Variants in PDCL3 observed in about 807,000 individuals in gnomAD.
The protein encoded by PDCL3 is phosducin-like protein 3.
A neutral mutation model predicts 26.5 loss-of-function variants in PDCL3; 22 were observed. That is an observed-to-expected ratio of 0.83 (90% CI 0.59 to 1.19). The LOEUF (loss-of-function observed/expected upper bound fraction) is 1.19. Ranked by LOEUF, PDCL3 falls within the 50% of genes most tolerant of loss-of-function variation. The pLI is 0.00. For synonymous variants in PDCL3, 81 were observed against 104.9 expected (o/e 0.77, Z 1.39); for missense variants, 246 against 294.1 (o/e 0.84, Z 1.20).
intron 5 of PDCL3, 158 bp downstream of exon 5, chr2:100,571,956 C>T (rs979433620): frequency 1.5e-5 from 10 of 676,566 alleles, no homozygotes; most frequent in African/African-American, 9.0e-5. Flanking sequence ...ATCTTAGTTG[C>T]GTAATCAGGA....
At chr2:100,565,984 A>C (rs924165306) in intron 1 of PDCL3, among the ~76,000 whole-genome samples, 4 of 152,066 alleles carry the variant, frequency 2.6e-5, no homozygotes, top group African/African-American at 9.7e-5. Context: ...GCTCACTGCA[A>C]GCTCCGCCTC....
chr2:100,569,177 G>A (rs569042382), intron 3 of PDCL3, among the ~76,000 whole-genome samples, 156 bp downstream of exon 3: 26 of 151,988 alleles, frequency 1.7e-4, no homozygotes, highest in African/African-American at 6.3e-4. Flanking sequence ...GATCGCTTGA[G>A]CTCAGAAGTT....
intron 5 of PDCL3, among the ~76,000 whole-genome samples, chr2:100,573,387 C>T (rs1236418754): frequency 6.6e-6 from 1 of 151,778 alleles, no homozygotes; most frequent in Admixed American, 6.6e-5. Flanking sequence ...AGATACTCAT[C>T]TGGCGGCCGG....
At chr2:100,574,750 C>G (rs1360812731) in intron 5 of PDCL3, among the ~76,000 whole-genome samples, 1 of 152,194 alleles carries the variant, frequency 6.6e-6, no homozygotes, top group Admixed American at 6.5e-5. Flanking sequence ...CTCCCATTTC[C>G]ACTCCTCCCC....
At chr2:100,566,463 A>G in intron 1 of PDCL3, 40 bp from the exon 2 acceptor site, 1 of 1,608,040 alleles carries the variant, frequency 6.2e-7, no homozygotes, top group Non-Finnish European at 8.5e-7. Context: ...CCTACATACT[A>G]GACTTAGCAC....
intron 4 of PDCL3, among the ~76,000 whole-genome samples, chr2:100,571,011 CT>C (rs146032896): frequency 0.078 from 11,776 of 150,742 alleles, 817 homozygotes; most frequent in Admixed American, 0.23. Flanking sequence ...TGGCTTACAC[CT>C]GTAATACCTG....
chr2:100,570,622 C>T (rs997824081), intron 4 of PDCL3, among the ~76,000 whole-genome samples: 1 of 151,870 alleles, frequency 6.6e-6, no homozygotes, highest in Non-Finnish European at 1.5e-5. Flanking sequence ...GGATTACAGG[C>T]GCCTGCCACC....
At chr2:100,565,110 T>G (rs1675035028) in intron 1 of PDCL3, among the ~76,000 whole-genome samples, 1 of 152,124 alleles carries the variant, frequency 6.6e-6, no homozygotes, top group African/African-American at 2.4e-5. Context: ...ATTATTTTCT[T>G]GATTACGGGC....
At position 100,571,794 on chromosome 2, in the gene PDCL3, A is replaced by C. The variant is rs149247434; in HGVS notation, c.573A>C (p.Arg191Ser). ...TGTTTGGCGGCATGAACCTGACAAG[A>C]GATGGTAAGGGCTCTGGGAGACAGG... The part of the protein sequence containing the change: ...PLVFGGMNLT[R>S]DELEWKLSES... Residue 191 changes from arginine (R) to serine (S), a missense_variant, in exon 5 of 6, where the codon AGA becomes AGC. Physicochemically the swap from Arg to Ser is moderately radical, Grantham distance 110. Transcript: ENST00000264254. 6.2e-7 allele frequency: 1 copy of C among 1,613,964 alleles called. No individual in the cohort carries two copies. Among genetic ancestry groups the C allele is most frequent in the African/African-American group, 1.3e-5 (1 of 74,894 alleles).
In PDCL3 at chr2:100,566,499, C is replaced by G. The variant is rs766047279; in HGVS notation, c.7-4C>G. ...TCATGGTAACCTTGGTCCCGCTCTT[C>G]TAGGACCCCAACGCAGACACTGAAT... On this transcript the variant is annotated splice_region_variant and splice_polypyrimidine_tract_variant and intron_variant, in intron 1 of 5. Coordinates refer to ENST00000264254, the MANE Select transcript of PDCL3 (RefSeq NM_024065.5). The G allele has an allele frequency of 8.7e-6, 14 of 1,609,892 alleles. No homozygotes were observed. In the Admixed American group the frequency reaches 1.0e-4, roughly 12 times the overall value.
At chr2:100,567,398 A>G (rs1048459534) in intron 2 of PDCL3, among the ~76,000 whole-genome samples, 2 of 152,190 alleles carry the variant, frequency 1.3e-5, no homozygotes, top group African/African-American at 4.8e-5. Context: ...ACCAACATTC[A>G]AGTGGGGGAG....
chr2:100,571,114 C>CGAA lies in PDCL3; in HGVS notation c.369-476_369-475insGAA, dbSNP rs1553417816. On this transcript the variant is annotated intron_variant, in intron 4 of 5. Transcript: ENST00000264254. ...GCAACGTGGTGAAACCCTGTCTTTA[C>CGAA]AAAAAAAAAAAAAAAAAATCAGCTG... Among the ~76,000 whole-genome samples, 32 of 109,090 alleles carry CGAA rather than the reference C, an allele frequency of 2.9e-4. 1 individual carries two copies. Among genetic ancestry groups the CGAA allele is most frequent in the East Asian group, 7.6e-4 (3 of 3,930 alleles). 71.6% of individuals were successfully genotyped at this position (109,090 alleles called of 152,430 possible). A position where few individuals can be genotyped will look rare whatever the true frequency, so the allele number is the denominator to read the frequency against.
At chr2:100,566,148 C>A (rs561645078) in intron 1 of PDCL3, among the ~76,000 whole-genome samples, 72 of 152,264 alleles carry the variant, frequency 4.7e-4, no homozygotes, top group Non-Finnish European at 9.0e-4. Context: ...CGTGATCCGC[C>A]TGCCTCAGCC....
rs530252647 is a variant in PDCL3, at chr2:100,563,451, G to C, written c.6+378G>C. On this transcript the variant is annotated intron_variant, in intron 1 of 5. Coordinates refer to ENST00000264254, the MANE Select transcript of PDCL3 (RefSeq NM_024065.5). The stretch of plus-strand genomic sequence containing the variant: ...GTTAGGAAGCGGAGGGTCCGGCCTG[G>C]GGTCTTCCGCACGTAAAGCAGCGCC... 706 of 187,240 alleles carry C rather than the reference G, an allele frequency of 3.8e-3. 3 individuals are homozygous for C. The highest frequency in any genetic ancestry group is 5.1e-3 in the Non-Finnish European group (470 of 91,564). The allele number at this position is 187,240 out of a possible 1,614,324, so 11.6% of individuals were successfully genotyped here. A position where few individuals can be genotyped will look rare whatever the true frequency, so the allele number is the denominator to read the frequency against.
chr2:100,575,361 TCCA>T (rs921038271), intron 5 of PDCL3, among the ~76,000 whole-genome samples: 3 of 152,162 alleles, frequency 2.0e-5, no homozygotes, highest in Non-Finnish European at 4.4e-5. Context: ...GGTCTCGATC[TCCA>T]GACTTCGTGA....
chr2:100,573,059 AT>A (rs752298921), intron 5 of PDCL3, among the ~76,000 whole-genome samples: 119 of 146,700 alleles, frequency 8.1e-4, no homozygotes, highest in Non-Finnish European at 1.4e-3. Flanking sequence ...TAATTTTTGT[AT>A]TTTTAGTAGG....
chr2:100,563,277 C>T (rs575209098), intron 1 of PDCL3: 629 of 534,678 alleles, frequency 1.2e-3, no homozygotes, highest in Non-Finnish European at 1.8e-3. Context: ...GTCCCCGCCT[C>T]GGTGTGCCGG....
chr2:100,570,711 C>T (rs1350675125), intron 4 of PDCL3, among the ~76,000 whole-genome samples: 2 of 152,030 alleles, frequency 1.3e-5, no homozygotes, highest in African/African-American at 4.8e-5. Flanking sequence ...CTCCTGACCT[C>T]ATGATCCACT....
At chr2:100,568,837 C>A in intron 2 of PDCL3, 94 bp from the exon 3 acceptor site, 1 of 959,090 alleles carries the variant, frequency 1.0e-6, no homozygotes, top group Non-Finnish European at 1.7e-6. Flanking sequence ...GTGTTGTGTG[C>A]ATATCTTTAG....
Sources: gnomAD v4.1 joint callset for allele counts (sites outside exome capture counted in the v4.1 genomes callset) on GRCh38, gnomAD v4.1.1 for gene constraint, MANE v1.5 for transcripts, NCBI Gene and HGNC (gene_info 2026-07-23, HGNC 2026-07-21) for gene names.